Variants in DNAI3 observed in about 807,000 individuals in gnomAD.
DNAI3 encodes dynein axonemal intermediate chain 3, also known as WD repeat domain 63.
Under a neutral mutation model 115.5 loss-of-function variants are expected in DNAI3, and 83 were observed. The ratio of observed to expected loss-of-function variants is 0.72; its 90% CI spans 0.60 to 0.86. The LOEUF (loss-of-function observed/expected upper bound fraction) is 0.86. Ranked by LOEUF, DNAI3 falls within the 40% of genes least tolerant of loss-of-function variation. The pLI is 0.00. For synonymous variants in DNAI3, 320 were observed against 347.0 expected (o/e 0.92, Z 0.86); for missense variants, 1,004 against 1,075.8 (o/e 0.93, Z 0.93).
At chr1:85,127,418 A>T (rs963022159) in intron 20 of DNAI3, among the ~76,000 whole-genome samples, 4 of 151,334 alleles carry the variant, frequency 2.6e-5, no homozygotes, top group Non-Finnish European at 4.4e-5. Flanking sequence ...TTTTTATTTT[A>T]TTTTTTTGCA....
At chr1:85,065,251 CACACATACACACAGGCA>C (rs1654059894) in intron 1 of DNAI3, among the ~76,000 whole-genome samples, 1 of 151,898 alleles carries the variant, frequency 6.6e-6, no homozygotes, top group Non-Finnish European at 1.5e-5. Context: ...GGGAATAAGC[CACACATACACACAGGCA>C]ACAAATGAGA....
chr1:85,072,094 T>G, intron 2 of DNAI3, 89 bp downstream of exon 2: 1 of 1,224,052 alleles, frequency 8.2e-7, no homozygotes, highest in South Asian at 1.4e-5. Context: ...ACATATCAAA[T>G]GAAATAAAAT....
chr1:85,092,481 A>AG (rs1188163443), intron 8 of DNAI3, among the ~76,000 whole-genome samples: 1 of 152,178 alleles, frequency 6.6e-6, no homozygotes, highest in East Asian at 1.9e-4. Context: ...TTTGATCAGT[A>AG]GGGTAAAACC....
intron 13 of DNAI3, 50 bp from the exon 14 acceptor site, chr1:85,104,474 A>T (rs113418804): frequency 0.011 from 15,586 of 1,448,332 alleles, 122 homozygotes; most frequent in Admixed American, 0.014. Flanking sequence ...TTAAAAGGTA[A>T]ATAGCTATGA....
chr1:85,110,734 G>A (rs1431152702), intron 16 of DNAI3, among the ~76,000 whole-genome samples: 1 of 152,020 alleles, frequency 6.6e-6, no homozygotes, highest in East Asian at 1.9e-4. Flanking sequence ...ATAAAATGAA[G>A]CCCACTTAAT....
chr1:85,121,875 G>A, intron 18 of DNAI3, 61 bp downstream of exon 18: 9 of 1,566,368 alleles, frequency 5.7e-6, no homozygotes, highest in Non-Finnish European at 7.0e-6. Context: ...ACTACCCAAA[G>A]GAATCTCATG....
intron 20 of DNAI3, among the ~76,000 whole-genome samples, chr1:85,128,170 A>G (rs1030193485): frequency 6.2e-5 from 9 of 144,366 alleles, no homozygotes; most frequent in Non-Finnish European, 1.2e-4. Flanking sequence ...GAAGGAGAAG[A>G]AAAAGATTAA....
chr1:85,064,481 T>TATC (rs201885376), intron 1 of DNAI3, among the ~76,000 whole-genome samples: 1,774 of 152,318 alleles, frequency 0.012, 18 homozygotes, highest in Non-Finnish European at 0.016. Flanking sequence ...TCTTGAAGTT[T>TATC]AATCAGGGTC....
intron 8 of DNAI3, among the ~76,000 whole-genome samples, chr1:85,092,696 G>A (rs1655014164): frequency 6.6e-6 from 1 of 151,956 alleles, no homozygotes; most frequent in Non-Finnish European, 1.5e-5. Context: ...TTTTTAGCAG[G>A]ATAATTTTTC....
Position 85,094,619 on chromosome 1 carries a change from G to A in DNAI3, c.1173+64G>A, listed in dbSNP as rs1344822562. 7.6e-6 allele frequency: 12 copies of A among 1,570,908 alleles called. No homozygotes were observed. In the African/African-American group the frequency reaches 1.6e-4, roughly 21 times the overall value. ...AATACTACTTTCATGTATACCTTTAGCAGTTTTTATTGCAAAGTACTTTAT... is the reference window on the plus strand; with the variant it reads ...AATACTACTTTCATGTATACCTTTAACAGTTTTTATTGCAAAGTACTTTAT... On this transcript the variant is annotated intron_variant, in intron 10 of 22. Transcript: ENST00000294664.
chr1:85,120,784 T>C (rs1275210165), intron 17 of DNAI3, among the ~76,000 whole-genome samples: 1 of 152,210 alleles, frequency 6.6e-6, no homozygotes, highest in East Asian at 1.9e-4. Context: ...AGAGAGGGCT[T>C]GTCCTTGGAT....
chr1:85,132,742 C>G lies in DNAI3; in HGVS notation c.2533-113C>G. The G allele has an allele frequency of 2.2e-6, 3 of 1,388,516 alleles. No homozygotes were observed. The Admixed American group carries it at 6.6e-5, about 31-fold the overall frequency. 86.0% of individuals were successfully genotyped at this position (1,388,516 alleles called of 1,614,324 possible). A position where few individuals can be genotyped will look rare whatever the true frequency, so the allele number is the denominator to read the frequency against. On this transcript the variant is annotated intron_variant, in intron 22 of 22. Transcript: ENST00000294664. ...CTGCCTTCCTGCCCTCCATCCAGCCCTTTCCAGAAAACAGCAGCCAGGTCA... is the reference window on the plus strand; with the variant it reads ...CTGCCTTCCTGCCCTCCATCCAGCCGTTTCCAGAAAACAGCAGCCAGGTCA...
At chr1:85,083,448 C>T (rs1282963061) in intron 5 of DNAI3, among the ~76,000 whole-genome samples, 9 of 152,140 alleles carry the variant, frequency 5.9e-5, no homozygotes, top group Middle Eastern at 3.4e-3. Flanking sequence ...GATCATGCCC[C>T]TGCACTCCAG....
chr1:85,130,202 G>C, intron 22 of DNAI3, 90 bp downstream of exon 22: 1 of 1,556,036 alleles, frequency 6.4e-7, no homozygotes, highest in South Asian at 1.2e-5. Flanking sequence ...CCATAGAAAA[G>C]TTATACTTTT....
At chr1:85,070,205 G>A (rs768776141) in intron 1 of DNAI3, among the ~76,000 whole-genome samples, 4 of 151,950 alleles carry the variant, frequency 2.6e-5, no homozygotes, top group Non-Finnish European at 5.9e-5. Context: ...AGGTTGCGGT[G>A]AGCTGAGACC....
Position 85,126,595 on chromosome 1 carries a change from A to G in DNAI3, c.2197A>G (p.Ile733Val), listed in dbSNP as rs141094582. ...CCTGACTCGGCCCGGAGTTTTCTAC[A>G]TCGGCCGAGAAGATGGATACATTGA... is the stretch of plus-strand genomic sequence containing the variant. ...WSLTRPGVFYIGREDGYIDIW... is the reference protein window; with the variant it reads ...WSLTRPGVFYVGREDGYIDIW... Residue 733 changes from isoleucine (I) to valine (V), a missense_variant, in exon 20 of 23, where the codon ATC becomes GTC. Transcript: ENST00000294664. The G allele has an allele frequency of 2.5e-6, 4 of 1,614,148 alleles. No individual in the cohort carries two copies. The highest frequency in any genetic ancestry group is 1.3e-5 in the African/African-American group (1 of 75,052).
At chr1:85,108,404 C>T (rs1655554981) in intron 15 of DNAI3, among the ~76,000 whole-genome samples, 1 of 151,984 alleles carries the variant, frequency 6.6e-6, no homozygotes, top group South Asian at 2.1e-4. Context: ...CACAGATTTA[C>T]TTTGTGTAAT....
At chr1:85,092,042 C>CGG (rs1004791499) in intron 8 of DNAI3, among the ~76,000 whole-genome samples, 10 of 152,100 alleles carry the variant, frequency 6.6e-5, no homozygotes, top group African/African-American at 2.4e-4. Context: ...GTTTAAGCCT[C>CGG]GAGAGTCCGC....
intron 17 of DNAI3, among the ~76,000 whole-genome samples, chr1:85,120,854 A>G (rs1344086840): frequency 6.6e-6 from 1 of 152,234 alleles, no homozygotes; most frequent in African/African-American, 2.4e-5. Flanking sequence ...ACAGATGAAT[A>G]AAAGCTCAGG....
Sources: allele counts gnomAD v4.1 joint callset (sites outside exome capture counted in the v4.1 genomes callset), GRCh38; gene constraint gnomAD v4.1.1; transcripts MANE v1.5; gene names NCBI Gene and HGNC (gene_info 2026-07-23, HGNC 2026-07-21).